Variants in FBXL13 observed in about 807,000 individuals in gnomAD.
FBXL13 encodes the protein F-box and leucine rich repeat protein 13.
In FBXL13, 67 loss-of-function variants were observed where a neutral mutation model predicts 83.6. That is an observed-to-expected ratio of 0.80 (90% CI 0.66 to 0.98). The LOEUF (loss-of-function observed/expected upper bound fraction) is 0.98, where lower values mean the gene tolerates loss of function less well. Among genes scored for constraint, FBXL13 ranks in the 50% least tolerant of loss-of-function variants. The probability of loss-of-function intolerance (pLI) is 0.00; values close to 1 mark genes in which losing one functional copy is unlikely to be tolerated. For missense variants in FBXL13, 822 were observed against 866.5 expected (o/e 0.95, Z 0.64); for synonymous variants, 272 against 299.5 (o/e 0.91, Z 0.95).
chr7:102,817,129 T>C (rs1221734211), intron 19 of FBXL13, among the ~76,000 whole-genome samples: 1 of 152,230 alleles, frequency 6.6e-6, no homozygotes, highest in Non-Finnish European at 1.5e-5. Flanking sequence ...TACCCAGTAG[T>C]GGGATTACTG....
At chr7:102,832,050 AT>A (rs1353985074) in intron 18 of FBXL13, among the ~76,000 whole-genome samples, 8 of 152,152 alleles carry the variant, frequency 5.3e-5, no homozygotes, top group African/African-American at 1.9e-4. Flanking sequence ...ACTATTTCTA[AT>A]CTTTTTGTGC....
At chr7:102,994,754 T>G (rs1208258788) in intron 6 of FBXL13, among the ~76,000 whole-genome samples, 1 of 152,318 alleles carries the variant, frequency 6.6e-6, no homozygotes, top group East Asian at 1.9e-4. Flanking sequence ...GAGTTCTGAT[T>G]GGTCAATGCT....
At chr7:103,067,909 T>C (rs550424722) in intron 1 of FBXL13, among the ~76,000 whole-genome samples, 1 of 152,206 alleles carries the variant, frequency 6.6e-6, no homozygotes, top group East Asian at 1.9e-4. Flanking sequence ...GACATAAGAG[T>C]AATATTTGAC....
At chr7:102,997,942 T>C (rs187251166) in intron 6 of FBXL13, among the ~76,000 whole-genome samples, 122 of 152,324 alleles carry the variant, frequency 8.0e-4, no homozygotes, top group African/African-American at 2.6e-3. Context: ...AGCAGTGAGA[T>C]TGCTGGATCA....
chr7:102,973,136 A>C (rs1826933973), intron 6 of FBXL13: 1 of 171,200 alleles, frequency 5.8e-6, no homozygotes, highest in African/African-American at 2.4e-5. Context: ...GAAATTTTAA[A>C]ATGTTGGACT....
chr7:102,855,374 CT>C (rs1308318258), intron 16 of FBXL13, among the ~76,000 whole-genome samples: 1 of 151,944 alleles, frequency 6.6e-6, no homozygotes, highest in East Asian at 1.9e-4. Flanking sequence ...TAGATCATTT[CT>C]TTTTCAGGTT....
At chr7:102,955,705 C>T (rs537572612) in intron 8 of FBXL13, among the ~76,000 whole-genome samples, 8 of 151,746 alleles carry the variant, frequency 5.3e-5, no homozygotes, top group African/African-American at 1.9e-4. Flanking sequence ...GGGGATATCA[C>T]CACCAATCCC....
chr7:103,042,358 T>C (rs910583799), intron 2 of FBXL13, among the ~76,000 whole-genome samples: 1 of 152,194 alleles, frequency 6.6e-6, no homozygotes, highest in Non-Finnish European at 1.5e-5. Flanking sequence ...TCCATGCTCA[T>C]GGATAGGAAG....
At chr7:102,963,538 G>T (rs1272182623) in exon 8 of FBXL13, 2 of 1,611,040 alleles carry the variant, frequency 1.2e-6, no homozygotes, top group African/African-American at 2.7e-5. Context: ...CTTACTGACA[G>T]ATCTGAAAGT....
intron 11 of FBXL13, among the ~76,000 whole-genome samples, chr7:102,891,262 C>T (rs1462303181): frequency 6.6e-6 from 1 of 152,160 alleles, no homozygotes; most frequent in Non-Finnish European, 1.5e-5. Context: ...CACAGCCATC[C>T]CCATCTCTAT....
Position 102,898,915 on chromosome 7 carries a change from A to AT in FBXL13, c.1008+14170dup, listed in dbSNP as rs1334882607. On this transcript the variant is annotated intron_variant, in intron 11 of 19. Coordinates refer to ENST00000313221, the Ensembl canonical transcript of FBXL13. Reference sequence around the variant, plus strand: ...ATTTTTATTTATTTAATTTAATTTAATTAATTATTTATTTATTTTGAGACA... The same window carrying AT: ...ATTTTTATTTATTTAATTTAATTTAATTTAATTATTTATTTATTTTGAGACA... 4.0e-5 allele frequency among the ~76,000 whole-genome samples: 6 copies of AT among 151,784 alleles called. No homozygotes were observed. The East Asian group carries it at 5.8e-4, about 15-fold the overall frequency.
At chr7:102,881,671 T>C (rs993779061) in intron 14 of FBXL13, among the ~76,000 whole-genome samples, 12 of 152,112 alleles carry the variant, frequency 7.9e-5, no homozygotes, top group African/African-American at 2.7e-4. Context: ...TCCCAGTTTC[T>C]GGACCTCAGG....
chr7:103,069,418 T>C (rs1798717349), intron 1 of FBXL13, among the ~76,000 whole-genome samples: 1 of 152,310 alleles, frequency 6.6e-6, no homozygotes, highest in East Asian at 1.9e-4. Context: ...AAGTTTTAAA[T>C]TGGGGAATAT....
downstream of FBXL13, chr7:102,813,191 T>C (rs764607550): frequency 5.5e-6 from 4 of 733,204 alleles, no homozygotes; most frequent in Non-Finnish European, 8.8e-6. Context: ...ACTGATGTGT[T>C]TGGAAATATT....
intron 2 of FBXL13, chr7:103,031,104 G>A (rs950784437): frequency 2.0e-5 from 3 of 152,288 alleles, no homozygotes; most frequent in African/African-American, 7.2e-5. Flanking sequence ...TAATATGCAA[G>A]AGGACTCCAG....
At chr7:102,924,438 C>T (rs562907029) in intron 10 of FBXL13, among the ~76,000 whole-genome samples, 5 of 151,918 alleles carry the variant, frequency 3.3e-5, no homozygotes, top group South Asian at 2.1e-4. Flanking sequence ...TATTAAATGC[C>T]TGGCAGGAGG....
chr7:103,073,710 G>A (rs761004286), intron 1 of FBXL13, among the ~76,000 whole-genome samples: 1 of 152,032 alleles, frequency 6.6e-6, no homozygotes, highest in Non-Finnish European at 1.5e-5. Context: ...TGGTTAAAGG[G>A]TACATGTATT....
intron 6 of FBXL13, among the ~76,000 whole-genome samples, chr7:103,020,187 C>T (rs1333782189): frequency 1.3e-5 from 2 of 152,108 alleles, no homozygotes; most frequent in East Asian, 3.8e-4. Flanking sequence ...AATCAATAAA[C>T]ATAGTCCAGC....
intron 8 of FBXL13, chr7:102,934,818 A>C: frequency 1.2e-6 from 1 of 854,088 alleles, no homozygotes; most frequent in Non-Finnish European, 1.8e-6. Context: ...CCCTATTGAC[A>C]ATGGAATTTA....
Sources: gnomAD v4.1 joint callset for allele counts (sites outside exome capture counted in the v4.1 genomes callset) on GRCh38, gnomAD v4.1.1 for gene constraint, MANE v1.5 for transcripts, NCBI Gene and HGNC (gene_info 2026-07-23, HGNC 2026-07-21) for gene names.